The following LIPA variants were observed in gnomAD, a reference collection of about 807,000 sequenced individuals.
LIPA encodes the protein lysosomal acid lipase/cholesteryl ester hydrolase.
A neutral mutation model predicts 40.6 loss-of-function variants in LIPA; 26 were observed. The observed-to-expected ratio is 0.64, with a 90% CI of 0.47 to 0.89. LIPA has a LOEUF of 0.89. Ranked by LOEUF, LIPA falls within the 40% of genes least tolerant of loss-of-function variation. The probability of loss-of-function intolerance (pLI) is 0.00; values close to 1 mark genes in which losing one functional copy is unlikely to be tolerated. For missense variants in LIPA, 455 were observed against 479.6 expected (o/e 0.95, Z 0.48); for synonymous variants, 188 against 168.4 (o/e 1.12, Z -0.90).
chr10:89,232,355 C>G (rs1296876355), intron 3 of LIPA, among the ~76,000 whole-genome samples: 1 of 151,942 alleles, frequency 6.6e-6, no homozygotes, highest in African/African-American at 2.4e-5. Context: ...GGTGACTTGA[C>G]TTTGAAAGGC....
chr10:89,384,859 G>A (rs960408036), intron 2 of LIPA: 47 of 868,928 alleles, frequency 5.4e-5, no homozygotes, highest in Non-Finnish European at 8.1e-5. Flanking sequence ...AGAGGAATGT[G>A]GCTGTGTGGC....
intron 2 of LIPA, among the ~76,000 whole-genome samples, chr10:89,358,960 A>G (rs934678168): frequency 3.9e-5 from 6 of 152,232 alleles, no homozygotes; most frequent in Admixed American, 6.5e-5. Context: ...GAGATGATGG[A>G]CATCCCAATT....
At chr10:89,267,136 A>G (rs556196087) in intron 1 of LIPA, among the ~76,000 whole-genome samples, 2 of 152,320 alleles carry the variant, frequency 1.3e-5, no homozygotes, top group African/African-American at 2.4e-5. Flanking sequence ...TGTCAGCTTT[A>G]TGAACACAGG....
upstream of LIPA, among the ~76,000 whole-genome samples, chr10:89,347,127 G>A (rs1215141553): frequency 6.6e-6 from 1 of 152,184 alleles, no homozygotes; most frequent in Non-Finnish European, 1.5e-5. Flanking sequence ...TATAACAAAA[G>A]TATACAGAGC....
chr10:89,389,930 G>A (rs996135285), intron 2 of LIPA, among the ~76,000 whole-genome samples: 9 of 151,450 alleles, frequency 5.9e-5, no homozygotes, highest in East Asian at 1.9e-4. Context: ...CCTGGTTCCC[G>A]GCTCAGGGCG....
chr10:89,363,641 G>T (rs536137196), intron 2 of LIPA, among the ~76,000 whole-genome samples: 14 of 152,150 alleles, frequency 9.2e-5, no homozygotes, highest in African/African-American at 3.4e-4. Flanking sequence ...GCCAGGTGTG[G>T]TGGCAGGCAC....
chr10:89,282,541 G>A (rs1053969334), intron 1 of LIPA, among the ~76,000 whole-genome samples: 2 of 152,180 alleles, frequency 1.3e-5, no homozygotes, highest in South Asian at 2.1e-4. Flanking sequence ...TCAGGAGGCT[G>A]AGGCAGGAGA....
intron 1 of LIPA, among the ~76,000 whole-genome samples, chr10:89,274,528 A>G (rs1843280522): frequency 6.6e-6 from 1 of 152,228 alleles, no homozygotes; most frequent in African/African-American, 2.4e-5. Context: ...CTGAGAAACT[A>G]GGACACATCA....
At chr10:89,301,942 A>G in intron 1 of LIPA, 1 of 518,130 alleles carries the variant, frequency 1.9e-6, no homozygotes, top group East Asian at 3.1e-5. Context: ...TGCCAATTTC[A>G]CTTTCTAGTT....
upstream of LIPA, among the ~76,000 whole-genome samples, chr10:89,343,269 G>T (rs540953969): frequency 5.9e-4 from 90 of 152,354 alleles, no homozygotes; most frequent in African/African-American, 2.0e-3. Flanking sequence ...GCTCTGTAGA[G>T]ATGTGTTTGG....
At chr10:89,343,702 C>A (rs1018539796), upstream of LIPA, among the ~76,000 whole-genome samples, 2 of 152,130 alleles carry the variant, frequency 1.3e-5, no homozygotes, top group Non-Finnish European at 2.9e-5. Context: ...AGGGAGGGAG[C>A]TTTCAACTAA....
chr10:89,287,906 T>A (rs1182042489), intron 1 of LIPA, among the ~76,000 whole-genome samples: 1 of 152,166 alleles, frequency 6.6e-6, no homozygotes, highest in Non-Finnish European at 1.5e-5. Flanking sequence ...TTGTCCTCAA[T>A]ACCTCCCTCC....
chr10:89,218,596 C>A (rs1297043601), intron 8 of LIPA, among the ~76,000 whole-genome samples: 1 of 152,218 alleles, frequency 6.6e-6, no homozygotes, highest in East Asian at 1.9e-4. Context: ...TCTAAGCTAT[C>A]TCCTTCGCAC....
chr10:89,340,622 A>G (rs1238558046), intron 1 of LIPA: 1 of 152,490 alleles, frequency 6.6e-6, no homozygotes, highest in Non-Finnish European at 1.5e-5. Flanking sequence ...TTACAGTTAC[A>G]TAGTCCGAAG....
intron 1 of LIPA, among the ~76,000 whole-genome samples, chr10:89,316,382 T>C (rs996477585): frequency 1.2e-4 from 19 of 152,208 alleles, no homozygotes; most frequent in Non-Finnish European, 2.5e-4. Context: ...ACTGCGCTTT[T>C]CCAACGGTCT....
In LIPA at chr10:89,295,969, A is replaced by G. The variant is rs545032951; in HGVS notation, c.-2+46642T>C. Among the ~76,000 whole-genome samples, 4 of 152,352 alleles carry G rather than the reference A, an allele frequency of 2.6e-5. No individual in the cohort carries two copies. The East Asian group carries it at 7.7e-4, about 29-fold the overall frequency. ...CTAGCCATACAAATTTCTGAAGTGT[A>G]AATCAGTATCTCAACCATTTCAAAG... On this transcript the variant is annotated intron_variant, in intron 1 of 5. Coordinates refer to the LIPA transcript ENST00000282673.
intron 1 of LIPA, among the ~76,000 whole-genome samples, chr10:89,280,032 A>C (rs1843307377): frequency 6.6e-6 from 1 of 152,240 alleles, no homozygotes; most frequent in Non-Finnish European, 1.5e-5. Context: ...TACATTAATT[A>C]AACATTAAAA....
At chr10:89,222,634 T>C (rs376650921) in intron 7 of LIPA, 52 bp from the exon 8 acceptor site, 5 of 1,137,508 alleles carry the variant, frequency 4.4e-6, no homozygotes, top group Non-Finnish European at 6.7e-6. Context: ...TAAGGTGGCA[T>C]TGATAATAAA....
At chr10:89,240,467 AT>A (rs1842952319) in intron 3 of LIPA, among the ~76,000 whole-genome samples, 1 of 152,234 alleles carries the variant, frequency 6.6e-6, no homozygotes, top group Non-Finnish European at 1.5e-5. Context: ...ATTCATTAAT[AT>A]TTTAAATAAA....
Sources: allele counts gnomAD v4.1 joint callset (sites outside exome capture counted in the v4.1 genomes callset), GRCh38; gene constraint gnomAD v4.1.1; transcripts MANE v1.5; gene names NCBI Gene and HGNC (gene_info 2026-07-23, HGNC 2026-07-21).